The following PRDX2 variants were observed in gnomAD, a reference collection of about 807,000 sequenced individuals.
PRDX2 encodes the protein peroxiredoxin-2.
In PRDX2, 10 loss-of-function variants were observed where a neutral mutation model predicts 19.8. The observed-to-expected ratio is 0.50, with a 90% CI of 0.31 to 0.86. The LOEUF is 0.86. Ranked by LOEUF, PRDX2 falls within the 40% of genes least tolerant of loss-of-function variation. The pLI is 0.04. For synonymous variants in PRDX2, 118 were observed against 108.2 expected (o/e 1.09, Z -0.56); for missense variants, 226 against 260.1 (o/e 0.87, Z 0.90).
chr19:12,798,631 G>C (rs1034450965), intron 5 of PRDX2, among the ~76,000 whole-genome samples: 1 of 145,954 alleles, frequency 6.9e-6, no homozygotes, highest in African/African-American at 2.5e-5. Flanking sequence ...GATTACAGGT[G>C]TGAGCCACTG....
chr19:12,797,623 TTC>T (rs1376320337), intron 5 of PRDX2, among the ~76,000 whole-genome samples: 3 of 151,478 alleles, frequency 2.0e-5, no homozygotes, highest in African/African-American at 4.9e-5. Context: ...GTTCAGTATT[TTC>T]TCTTTTTCTT....
Position 12,796,880 on chromosome 19 carries a change from TG to T in PRDX2, c.*200del, listed in dbSNP as rs1968798478. ...AGGCCTGTGTGCGGCTGGGTGGGCT[TG>T]GGGGAGGGCGTCACTATTCAGCTTC... On this transcript the variant is annotated 3_prime_UTR_variant, in exon 6 of 6. Transcript: ENST00000301522. 1 of 577,540 alleles carries T rather than the reference TG, an allele frequency of 1.7e-6. No homozygotes were observed. Among genetic ancestry groups the T allele is most frequent in the African/African-American group, 1.9e-5 (1 of 53,648 alleles). 35.8% of individuals were successfully genotyped at this position (577,540 alleles called of 1,614,324 possible).
At chr19:12,801,613 T>G in intron 1 of PRDX2, 127 bp downstream of exon 1, 1 of 397,026 alleles carries the variant, frequency 2.5e-6, no homozygotes, top group Non-Finnish European at 4.6e-6. Context: ...GGCCTCGGTT[T>G]CCCCCGCAAG....
At position 12,797,028 on chromosome 19, in the gene PRDX2, C is replaced by T. The variant is rs996082676; in HGVS notation, c.*53G>A. 1.9e-6 allele frequency: 3 copies of T among 1,586,196 alleles called. No homozygotes were observed. The highest frequency in any genetic ancestry group is 2.7e-5 in the African/African-American group (2 of 74,354). On this transcript the variant is annotated 3_prime_UTR_variant, in exon 6 of 6. Transcript: ENST00000301522. Reference sequence around the variant, plus strand: ...GCACCCAGGTGGGGGCACAGGTGGACACCCAGCACAGGCACCTAGGCAGGG... The same window carrying T: ...GCACCCAGGTGGGGGCACAGGTGGATACCCAGCACAGGCACCTAGGCAGGG...
chr19:12,799,671 C>T, intron 5 of PRDX2, 188 bp downstream of exon 5: 1 of 714,894 alleles, frequency 1.4e-6, no homozygotes, highest in Non-Finnish European at 2.1e-6. Flanking sequence ...CTTTGTCCAC[C>T]TTGGTTGAAT....
chr19:12,801,407 G>A (rs1968895843), intron 1 of PRDX2, 137 bp from the exon 2 acceptor site: 3 of 939,668 alleles, frequency 3.2e-6, no homozygotes, highest in Non-Finnish European at 4.9e-6. Flanking sequence ...CCGGGTACCC[G>A]GTCTACGAGG....
chr19:12,797,644 T>TTTTCTTTC (rs1198956972), intron 5 of PRDX2, among the ~76,000 whole-genome samples: 1 of 146,326 alleles, frequency 6.8e-6, no homozygotes, highest in African/African-American at 2.6e-5. Flanking sequence ...TTTTCTTCTT[T>TTTTCTTTC]TTTCTTTCTT....
At chr19:12,800,660 C>A in intron 3 of PRDX2, 1 of 1,422,136 alleles carries the variant, frequency 7.0e-7, no homozygotes, top group Non-Finnish European at 9.3e-7. Flanking sequence ...GCAGCACAGC[C>A]TCCCTCCTGG....
chr19:12,801,152 C>T lies in PRDX2; in HGVS notation c.103+7G>A, dbSNP rs759522426. The T allele has an allele frequency of 2.5e-6, 4 of 1,613,948 alleles. No homozygotes were observed. Among genetic ancestry groups the T allele is most frequent in the Non-Finnish European group, 2.5e-6 (3 of 1,180,008 alleles). ...TTCTACCTGGGCCCCCTCCGGGCGG[C>T]GCTCACCTTTGTAGTCCGACAGCTT... is the stretch of plus-strand genomic sequence containing the variant. On this transcript the variant is annotated splice_region_variant and intron_variant, in intron 2 of 5. Coordinates refer to ENST00000301522, the MANE Select transcript of PRDX2 (RefSeq NM_005809.6).
intron 1 of PRDX2, among the ~76,000 whole-genome samples, 173 bp downstream of exon 1, chr19:12,801,567 G>A (rs975089186): frequency 6.6e-6 from 1 of 152,250 alleles, no homozygotes; most frequent in African/African-American, 2.4e-5. Flanking sequence ...GCAGGGGGCG[G>A]GAAGTCGGGC....
In PRDX2 at chr19:12,799,944, A is replaced by G. The variant is rs1568384121; in HGVS notation, c.426T>C (p.Thr142=). The G allele has an allele frequency of 6.2e-7, 1 of 1,614,126 alleles. No homozygotes were observed. The highest frequency in any genetic ancestry group is 1.1e-5 in the South Asian group (1 of 91,090). The change falls in exon 5 of 6, where the codon ACT becomes ACC. Residue 142 remains threonine (T), a synonymous_variant. Coordinates refer to ENST00000301522, the MANE Select transcript of PRDX2 (RefSeq NM_005809.6). ...IDGKGVLRQI[T]VNDLPVGRSV... ...AGCGTCCCACAGGCAAATCATTAAC[A>G]GTGATCTGGCGAAGGACACCCTTGC...
chr19:12,798,603 G>C (rs1238024481), intron 5 of PRDX2, among the ~76,000 whole-genome samples: 2 of 149,524 alleles, frequency 1.3e-5, no homozygotes, highest in African/African-American at 5.0e-5. Context: ...CACCCACCTA[G>C]GCCTCCCAAA....
At chr19:12,799,673 T>G in intron 5 of PRDX2, 186 bp downstream of exon 5, 1 of 713,876 alleles carries the variant, frequency 1.4e-6, no homozygotes, top group East Asian at 3.5e-5. Flanking sequence ...TTGTCCACCT[T>G]GGTTGAATGT....
At position 12,800,924 on chromosome 19, in the gene PRDX2, G is replaced by T. The variant is rs1375577964; in HGVS notation, c.249C>A (p.His83Gln). ...TTGGCCCCTGCTCATACCAAGCCAG[G>T]TGGGTGAACTGAGAGTCCACCGAGA... Reference protein sequence around the residue: ...LGVSVDSQFTHLAWINTPRKE... With the variant: ...LGVSVDSQFTQLAWINTPRKE... The change falls in exon 3 of 6, where the codon CAC becomes CAA. Residue 83 changes from histidine (H) to glutamine (Q), a missense_variant. His to Gln is a conservative substitution (Grantham distance 24). Coordinates refer to ENST00000301522, the MANE Select transcript of PRDX2 (RefSeq NM_005809.6). 4 of 1,609,852 alleles carry T rather than the reference G, an allele frequency of 2.5e-6. No individual in the cohort carries two copies. The highest frequency in any genetic ancestry group is 1.7e-4 in the Middle Eastern group (1 of 6,056).
chr19:12,800,579 C>A, intron 3 of PRDX2: 2 of 957,670 alleles, frequency 2.1e-6, no homozygotes, highest in Admixed American at 3.0e-5. Context: ...AGTCCCCATC[C>A]TCCTCTAGCT....
At position 12,800,353 on chromosome 19, in the gene PRDX2, C is replaced by T. The variant is rs541873367; in HGVS notation, c.258-54G>A. 1.2e-3 allele frequency: 1,929 copies of T among 1,580,824 alleles called. 4 individuals carry two copies. Among genetic ancestry groups the T allele is most frequent in the Non-Finnish European group, 1.4e-3 (1,594 of 1,161,608 alleles). ...CTCAGGATGCCTGGCACAGCAGGGT[C>T]CTCACCCTGTGGGCCCAATGTGATA... On this transcript the variant is annotated intron_variant, in intron 3 of 5. Coordinates refer to ENST00000301522, the MANE Select transcript of PRDX2 (RefSeq NM_005809.6).
chr19:12,801,446 T>G (rs1280370658), intron 1 of PRDX2, among the ~76,000 whole-genome samples, 176 bp from the exon 2 acceptor site: 3 of 152,224 alleles, frequency 2.0e-5, no homozygotes, highest in African/African-American at 7.2e-5. Context: ...CCCGCTCTCC[T>G]GACCAGAGCA....
Position 12,801,286 on chromosome 19 carries a change from G to T in PRDX2, c.-9-16C>A, listed in dbSNP as rs34231866. On this transcript the variant is annotated splice_polypyrimidine_tract_variant and intron_variant, in intron 1 of 5. Coordinates refer to ENST00000301522, the MANE Select transcript of PRDX2 (RefSeq NM_005809.6). Reference sequence around the variant, plus strand: ...TGACTGAAAGCTGAGACCCCCGCCCGGTCAGTGCGCCCGGGAAGACACTTT... The same window carrying T: ...TGACTGAAAGCTGAGACCCCCGCCCTGTCAGTGCGCCCGGGAAGACACTTT... 6.3e-7 allele frequency: 1 copy of T among 1,596,170 alleles called. No homozygotes were observed.
At chr19:12,800,391 C>G in intron 3 of PRDX2, 92 bp from the exon 4 acceptor site, 1 of 1,496,064 alleles carries the variant, frequency 6.7e-7, no homozygotes, top group Non-Finnish European at 9.0e-7. Context: ...CACTGGAGGC[C>G]GGAGATAAGG....
Sources: allele counts gnomAD v4.1 joint callset (sites outside exome capture counted in the v4.1 genomes callset), GRCh38; gene constraint gnomAD v4.1.1; transcripts MANE v1.5; gene names NCBI Gene and HGNC (gene_info 2026-07-23, HGNC 2026-07-21).